DLGAP2: variants seen among roughly 807,000 people sequenced by gnomAD.
DLGAP2 encodes disks large-associated protein 2.
A neutral mutation model predicts 100.3 loss-of-function variants in DLGAP2; 26 were observed. That is an observed-to-expected ratio of 0.26 (90% CI 0.19 to 0.36). The LOEUF is 0.36. Ranked by LOEUF, DLGAP2 falls within the 10% of genes least tolerant of loss-of-function variation. The pLI, the probability that DLGAP2 is intolerant of heterozygous loss-of-function variation, is 1.00. For missense variants in DLGAP2, 1,858 were observed against 1,453.2 expected (o/e 1.28, Z -4.53); for synonymous variants, 886 against 630.1 (o/e 1.41, Z -6.08).
At chr8:1,164,480 C>A (rs1445824388) in intron 2 of DLGAP2, among the ~76,000 whole-genome samples, 1 of 151,572 alleles carries the variant, frequency 6.6e-6, no homozygotes, top group Non-Finnish European at 1.5e-5. Context: ...GGCTGACGTC[C>A]TGTTGGGGGA....
chr8:1,614,180 C>G (rs781241181), intron 6 of DLGAP2, among the ~76,000 whole-genome samples: 5 of 152,164 alleles, frequency 3.3e-5, no homozygotes, highest in Non-Finnish European at 7.3e-5. Flanking sequence ...CCTTCACAAA[C>G]CCCACCAGCA....
chr8:1,250,208 A>T (rs553402847), intron 2 of DLGAP2, among the ~76,000 whole-genome samples: 1 of 48,634 alleles, frequency 2.1e-5, no homozygotes, highest in South Asian at 5.3e-4. Context: ...CACTGTGAAG[A>T]TAAATCTGCC....
At chr8:1,420,617 G>C (rs986661810) in intron 3 of DLGAP2, among the ~76,000 whole-genome samples, 1 of 152,100 alleles carries the variant, frequency 6.6e-6, no homozygotes, top group Non-Finnish European at 1.5e-5. Context: ...AAAGCCTGTG[G>C]GTCAAGGTTT....
intron 1 of DLGAP2, among the ~76,000 whole-genome samples, chr8:890,606 G>A (rs1417408988): frequency 2.0e-5 from 3 of 151,822 alleles, no homozygotes; most frequent in Admixed American, 1.3e-4. Flanking sequence ...TCCTCCTTGC[G>A]CTTTCTTGAT....
At chr8:1,030,143 C>T (rs901525109) in intron 2 of DLGAP2, among the ~76,000 whole-genome samples, 3 of 152,190 alleles carry the variant, frequency 2.0e-5, no homozygotes, top group Non-Finnish European at 4.4e-5. Context: ...GGCCCTAGTT[C>T]CTCCTCCTCT....
At chr8:1,509,438 G>A (rs1800078524) in intron 4 of DLGAP2, among the ~76,000 whole-genome samples, 1 of 152,066 alleles carries the variant, frequency 6.6e-6, no homozygotes, top group Non-Finnish European at 1.5e-5. Flanking sequence ...GGGTGTGTGT[G>A]TTAGGTTCTG....
At position 966,753 on chromosome 8, in the gene DLGAP2, G is replaced by C. The variant is rs370008121; in HGVS notation, c.73+58787G>C. Among the ~76,000 whole-genome samples the C allele has an allele frequency of 4.8e-3, 738 of 152,300 alleles. 14 individuals are homozygous for C. The highest frequency in any genetic ancestry group is 0.017 in the African/African-American group (715 of 41,568). ...ATAGAAGCAAATGGACTGAGAGTGAGCATCTGCCTCTCCTCACATTTCCTA... is the reference window on the plus strand; with the variant it reads ...ATAGAAGCAAATGGACTGAGAGTGACCATCTGCCTCTCCTCACATTTCCTA... On this transcript the variant is annotated intron_variant, in intron 2 of 14. Coordinates refer to ENST00000637795, the MANE Select transcript of DLGAP2 (RefSeq NM_001346810.2).
chr8:1,179,352 G>T (rs1797331235), intron 2 of DLGAP2, among the ~76,000 whole-genome samples: 1 of 152,228 alleles, frequency 6.6e-6, no homozygotes, highest in Admixed American at 6.5e-5. Flanking sequence ...AGCTGAGGCT[G>T]TGGGTGGAGG....
chr8:1,197,209 C>G (rs991306097), intron 2 of DLGAP2, among the ~76,000 whole-genome samples: 3 of 152,146 alleles, frequency 2.0e-5, no homozygotes, highest in Admixed American at 6.5e-5. Context: ...TCCCACATTG[C>G]AGAGTCCACT....
At chr8:1,139,402 A>C (rs1414491810) in intron 2 of DLGAP2, among the ~76,000 whole-genome samples, 3 of 152,228 alleles carry the variant, frequency 2.0e-5, no homozygotes, top group South Asian at 2.1e-4. Context: ...TCCGTGATCA[A>C]GGTGCAGCAG....
chr8:1,389,508 T>C (rs1306481704), intron 3 of DLGAP2, among the ~76,000 whole-genome samples: 1 of 152,088 alleles, frequency 6.6e-6, no homozygotes, highest in Non-Finnish European at 1.5e-5. Context: ...CACTCAGAGC[T>C]GGAAGAGGTG....
chr8:1,240,251 T>A (rs1798756960), intron 2 of DLGAP2, among the ~76,000 whole-genome samples: 1 of 115,794 alleles, frequency 8.6e-6, no homozygotes, highest in Non-Finnish European at 2.0e-5. Context: ...CCGTGTCTAG[T>A]TCTCTTACAT....
chr8:1,478,442 C>G (rs750351251), intron 3 of DLGAP2, among the ~76,000 whole-genome samples: 2 of 152,234 alleles, frequency 1.3e-5, no homozygotes, highest in Non-Finnish European at 2.9e-5. Flanking sequence ...AGCATGCTTT[C>G]AGCCCTGGCT....
rs190863882 is a variant in DLGAP2 at position 1,004,640 on chromosome 8, G to A, written c.73+96674G>A. 6.6e-5 allele frequency among the ~76,000 whole-genome samples: 10 copies of A among 152,292 alleles called. No individual in the cohort carries two copies. In the East Asian group the frequency reaches 1.5e-3, roughly 24 times the overall value. On this transcript the variant is annotated intron_variant, in intron 2 of 14. Transcript: ENST00000637795. ...GCTCGCACACTGAGCCTCTGGCTCA[G>A]TCACAGCTTAGAAGTGGTTACCAAC...
intron 8 of DLGAP2, among the ~76,000 whole-genome samples, chr8:1,645,636 T>A (rs1460770711): frequency 1.3e-5 from 2 of 152,242 alleles, no homozygotes; most frequent in East Asian, 3.8e-4. Flanking sequence ...GATACATTTG[T>A]GTTGGTTGAT....
intron 3 of DLGAP2, among the ~76,000 whole-genome samples, chr8:1,317,439 A>G (rs1196535281): frequency 1.6e-4 from 23 of 142,596 alleles, no homozygotes; most frequent in African/African-American, 6.3e-4. Flanking sequence ...GAAACTTCGC[A>G]GCTTTTAAAA....
intron 2 of DLGAP2, among the ~76,000 whole-genome samples, chr8:1,245,245 A>G (rs1273225074): frequency 6.6e-6 from 1 of 152,212 alleles, no homozygotes. Flanking sequence ...CTTGGTACAT[A>G]CCCAAGAGAA....
At chr8:1,424,763 G>T (rs143694277) in intron 3 of DLGAP2, among the ~76,000 whole-genome samples, 1 of 152,226 alleles carries the variant, frequency 6.6e-6, no homozygotes, top group East Asian at 1.9e-4. Flanking sequence ...GGAGAAGTCA[G>T]ATGCACAGAC....
chr8:828,095 C>T (rs11785852), intron 1 of DLGAP2, among the ~76,000 whole-genome samples: 1 of 151,964 alleles, frequency 6.6e-6, no homozygotes, highest in Non-Finnish European at 1.5e-5. Context: ...AGTGGAGGCA[C>T]GGCGAGATCA....
Sources: gnomAD v4.1 joint callset for allele counts (sites outside exome capture counted in the v4.1 genomes callset) on GRCh38, gnomAD v4.1.1 for gene constraint, MANE v1.5 for transcripts, NCBI Gene and HGNC (gene_info 2026-07-23, HGNC 2026-07-21) for gene names.